The following NAALADL2 variants were observed in gnomAD, a reference collection of about 807,000 sequenced individuals.
NAALADL2 encodes N-acetylated alpha-linked acidic dipeptidase like 2.
A neutral mutation model predicts 87.2 loss-of-function variants in NAALADL2; 76 were observed. The ratio of observed to expected loss-of-function variants is 0.87; its 90% CI spans 0.72 to 1.05. The LOEUF (loss-of-function observed/expected upper bound fraction) is 1.05, where lower values mean the gene tolerates loss of function less well. Ranked by LOEUF, NAALADL2 falls within the 50% of genes least tolerant of loss-of-function variation. The pLI is 0.00. For synonymous variants in NAALADL2, 354 were observed against 331.0 expected, an observed-to-expected ratio of 1.07 and a Z score of -0.75; for missense variants, 1,089 against 945.8, an observed-to-expected ratio of 1.15 and a Z score of -1.99.
intron 5 of NAALADL2, among the ~76,000 whole-genome samples, chr3:175,438,561 T>TA (rs1229827807): frequency 6.6e-6 from 1 of 152,134 alleles, no homozygotes; most frequent in African/African-American, 2.4e-5. Flanking sequence ...AAATGTGTTT[T>TA]AAAATCTCAG....
At chr3:175,703,394 C>A (rs1301459465) in intron 11 of NAALADL2, among the ~76,000 whole-genome samples, 2 of 152,136 alleles carry the variant, frequency 1.3e-5, no homozygotes, top group South Asian at 4.1e-4. Flanking sequence ...TGGACAGTCC[C>A]CAATACATGT....
intron 2 of NAALADL2, among the ~76,000 whole-genome samples, chr3:175,119,645 T>C (rs990808674): frequency 2.9e-4 from 43 of 149,016 alleles, no homozygotes; most frequent in African/African-American, 8.7e-4. Flanking sequence ...AAGATGTTTT[T>C]AGTTTGTTTA....
At chr3:175,323,547 A>G (rs1001497786) in intron 4 of NAALADL2, among the ~76,000 whole-genome samples, 2 of 152,098 alleles carry the variant, frequency 1.3e-5, no homozygotes, top group Admixed American at 6.6e-5. Context: ...AAAAAAGTAG[A>G]AAGTTAAAAT....
intron 1 of NAALADL2, among the ~76,000 whole-genome samples, chr3:174,491,838 A>G (rs948395958): frequency 1.3e-5 from 2 of 152,210 alleles, no homozygotes; most frequent in Admixed American, 1.3e-4. Context: ...TAAATGATAA[A>G]ACCACTTTTG....
chr3:174,879,660 A>T (rs1401612713), intron 1 of NAALADL2, among the ~76,000 whole-genome samples: 1 of 152,076 alleles, frequency 6.6e-6, no homozygotes, highest in Non-Finnish European at 1.5e-5. Flanking sequence ...CAGGTGAATG[A>T]GATATTCATA....
intron 5 of NAALADL2, among the ~76,000 whole-genome samples, chr3:175,342,978 A>G (rs929601455): frequency 1.3e-5 from 2 of 152,114 alleles, no homozygotes; most frequent in Non-Finnish European, 2.9e-5. Context: ...GATACCCCAG[A>G]TTGAACAATA....
In NAALADL2 at chr3:175,644,541, T is replaced by C. The variant is rs368445861; in HGVS notation, c.1896+17155T>C. ...TTATGCAATAAAGCTACACTACATA[T>C]CAAGATGATGTAGATGTATAGGCTT... On this transcript the variant is annotated intron_variant, in intron 11 of 13. Transcript: ENST00000454872. Among the ~76,000 whole-genome samples the C allele has an allele frequency of 4.6e-5, 7 of 151,760 alleles. No individual in the cohort carries two copies. In the East Asian group the frequency reaches 7.7e-4, roughly 17 times the overall value.
At chr3:174,542,369 C>G (rs1013003966) in intron 1 of NAALADL2, among the ~76,000 whole-genome samples, 49 of 152,104 alleles carry the variant, frequency 3.2e-4, no homozygotes, top group African/African-American at 1.1e-3. Context: ...GGCATGGACT[C>G]TGCTTAGTGT....
intron 11 of NAALADL2, among the ~76,000 whole-genome samples, chr3:175,691,440 G>C (rs1737033467): frequency 6.6e-6 from 1 of 151,530 alleles, no homozygotes; most frequent in African/African-American, 2.4e-5. Flanking sequence ...TCTTTAGAGA[G>C]TTTTGTGCCT....
chr3:175,355,188 C>G (rs1252824014), intron 5 of NAALADL2, among the ~76,000 whole-genome samples: 3 of 151,896 alleles, frequency 2.0e-5, no homozygotes, highest in African/African-American at 7.2e-5. Context: ...CCTGCCTCAA[C>G]CTCCCAAGCA....
At chr3:175,642,123 A>G (rs1172786255) in intron 11 of NAALADL2, among the ~76,000 whole-genome samples, 1 of 152,220 alleles carries the variant, frequency 6.6e-6, no homozygotes, top group Non-Finnish European at 1.5e-5. Context: ...TATAAAAGGG[A>G]TAACTATGTG....
chr3:174,834,501 G>A (rs1207588021), intron 3 of NAALADL2, among the ~76,000 whole-genome samples: 1 of 151,966 alleles, frequency 6.6e-6, no homozygotes, highest in Non-Finnish European at 1.5e-5. Context: ...TTGAAAAGAA[G>A]CATGTAAACT....
chr3:174,840,075 G>A (rs746091323), intron 3 of NAALADL2, among the ~76,000 whole-genome samples: 29 of 151,588 alleles, frequency 1.9e-4, no homozygotes, highest in Non-Finnish European at 1.2e-4. Flanking sequence ...AGCACAATTC[G>A]TAATTACAAA....
intron 4 of NAALADL2, among the ~76,000 whole-genome samples, chr3:175,275,137 C>G (rs893589634): frequency 3.3e-5 from 5 of 152,146 alleles, no homozygotes; most frequent in Non-Finnish European, 5.9e-5. Flanking sequence ...TTTCTAGTAT[C>G]ATGAGATAGC....
intron 11 of NAALADL2, among the ~76,000 whole-genome samples, chr3:175,688,008 A>G (rs899256652): frequency 3.9e-5 from 6 of 152,118 alleles, no homozygotes; most frequent in Non-Finnish European, 1.5e-5. Context: ...CCCAGTTTTC[A>G]GGTTTTATAG....
chr3:175,528,098 GA>G (rs1733654174), intron 9 of NAALADL2, among the ~76,000 whole-genome samples: 1 of 152,058 alleles, frequency 6.6e-6, no homozygotes, highest in Non-Finnish European at 1.5e-5. Context: ...GAAAGTGAAA[GA>G]AAATTCTGAA....
chr3:175,387,143 A>C (rs1193044259), intron 5 of NAALADL2, among the ~76,000 whole-genome samples: 2 of 152,116 alleles, frequency 1.3e-5, no homozygotes, highest in African/African-American at 4.8e-5. Context: ...AAGCACTAAA[A>C]GTGGGAAAGA....
chr3:174,872,251 C>A (rs1490741269), intron 1 of NAALADL2, among the ~76,000 whole-genome samples: 2 of 152,228 alleles, frequency 1.3e-5, no homozygotes, highest in South Asian at 2.1e-4. Flanking sequence ...GCATTACTTA[C>A]AAACACTTTA....
intron 2 of NAALADL2, among the ~76,000 whole-genome samples, chr3:175,129,443 T>G (rs1727465342): frequency 6.6e-6 from 1 of 152,198 alleles, no homozygotes; most frequent in African/African-American, 2.4e-5. Flanking sequence ...AACTAAAAAC[T>G]TTGTAGTCTT....
Sources: gnomAD v4.1 joint callset for allele counts (sites outside exome capture counted in the v4.1 genomes callset) on GRCh38, gnomAD v4.1.1 for gene constraint, MANE v1.5 for transcripts, NCBI Gene and HGNC (gene_info 2026-07-23, HGNC 2026-07-21) for gene names.